RORB: variants seen among roughly 807,000 people sequenced by gnomAD.
RORB encodes the protein nuclear receptor ROR-beta.
RORB carries 6 observed loss-of-function variants against 59.1 expected under a neutral mutation model. The ratio of observed to expected loss-of-function variants is 0.10; its 90% CI spans 0.06 to 0.20. RORB has a LOEUF of 0.20. Ranked by LOEUF, RORB falls within the 10% of genes least tolerant of loss-of-function variation. RORB has a pLI of 1.00. For missense variants in RORB, 320 were observed against 560.5 expected (o/e 0.57, Z 4.33); for synonymous variants, 215 against 204.5 (o/e 1.05, Z -0.44).
At position 74,667,900 on chromosome 9, in the gene RORB, A is replaced by T. The variant is rs2118533125; in HGVS notation, c.1110A>T (p.Pro370=). Residue 370 remains proline, a splice_region_variant and synonymous_variant, in exon 8 of 10, where the codon CCA becomes CCT. Transcript: ENST00000376896. Reference sequence around the variant, plus strand: ...TCTCATCTGCTGTTCTGATATCTCCAGGTAGGGCAGTCTCAGTTCTCTTAC... The same window carrying T: ...TCTCATCTGCTGTTCTGATATCTCCTGGTAGGGCAGTCTCAGTTCTCTTAC... The part of the protein sequence containing the change: ...ALFSSAVLIS[P]DRAWLIEPRK... The T allele has an allele frequency of 6.3e-7, 1 of 1,575,390 alleles. No individual in the cohort carries two copies. Among genetic ancestry groups the T allele is most frequent in the East Asian group, 2.2e-5 (1 of 44,692 alleles).
chr9:74,645,233 A>G (rs186743849), intron 4 of RORB, among the ~76,000 whole-genome samples: 1 of 152,272 alleles, frequency 6.6e-6, no homozygotes, highest in East Asian at 1.9e-4. Flanking sequence ...ACACAAACCC[A>G]TTCTATGACT....
chr9:74,636,393 C>T (rs1188426030), intron 3 of RORB, among the ~76,000 whole-genome samples: 2 of 152,174 alleles, frequency 1.3e-5, no homozygotes, highest in African/African-American at 2.4e-5. Flanking sequence ...AGGTCTAAGT[C>T]TGTGCTGGTG....
At chr9:74,547,907 G>A (rs955344732) in intron 1 of RORB, among the ~76,000 whole-genome samples, 10 of 152,192 alleles carry the variant, frequency 6.6e-5, no homozygotes, top group Non-Finnish European at 1.3e-4. Flanking sequence ...CTGAAAGGAG[G>A]CAAGTAAGAA....
intron 1 of RORB, among the ~76,000 whole-genome samples, chr9:74,529,129 C>T (rs2118091909): frequency 6.6e-6 from 1 of 151,998 alleles, no homozygotes; most frequent in East Asian, 1.9e-4. Flanking sequence ...AAAAATTTCT[C>T]CTGCTATTAC....
chr9:74,510,836 C>A (rs1825927238), intron 1 of RORB, among the ~76,000 whole-genome samples: 1 of 152,112 alleles, frequency 6.6e-6, no homozygotes, highest in African/African-American at 2.4e-5. Flanking sequence ...CTCAACTTCA[C>A]TTATTAAAGA....
intron 2 of RORB, among the ~76,000 whole-genome samples, chr9:74,634,341 G>A (rs1823667847): frequency 2.6e-5 from 4 of 152,140 alleles, no homozygotes; most frequent in Admixed American, 2.6e-4. Flanking sequence ...AGAAACTTCT[G>A]TTTATTTCTG....
At chr9:74,555,218 C>G (rs756869281) in intron 1 of RORB, among the ~76,000 whole-genome samples, 2 of 152,184 alleles carry the variant, frequency 1.3e-5, no homozygotes, top group Non-Finnish European at 2.9e-5. Context: ...CTGTCACAGA[C>G]GCAGGGCACT....
intron 4 of RORB, among the ~76,000 whole-genome samples, chr9:74,655,827 C>T (rs771128390): frequency 1.3e-5 from 2 of 152,120 alleles, no homozygotes; most frequent in Admixed American, 6.5e-5. Context: ...CTAGCTGTAC[C>T]GCGTCTTGTA....
At chr9:74,514,313 C>T (rs1825980508) in intron 1 of RORB, among the ~76,000 whole-genome samples, 2 of 152,008 alleles carry the variant, frequency 1.3e-5, no homozygotes, top group Admixed American at 1.3e-4. Flanking sequence ...TTATGTAAAG[C>T]CCCAAATAGT....
intron 1 of RORB, among the ~76,000 whole-genome samples, chr9:74,588,947 A>G (rs998751533): frequency 2.0e-5 from 3 of 152,162 alleles, no homozygotes; most frequent in Non-Finnish European, 2.9e-5. Flanking sequence ...TTAAAAAAAA[A>G]AAATAAGAGA....
At chr9:74,507,996 A>T (rs1825891415) in intron 1 of RORB, among the ~76,000 whole-genome samples, 1 of 151,860 alleles carries the variant, frequency 6.6e-6, no homozygotes, top group Admixed American at 6.6e-5. Flanking sequence ...ATTTTAAATA[A>T]ATTATTTAGA....
intron 1 of RORB, among the ~76,000 whole-genome samples, chr9:74,525,800 C>T (rs774014964): frequency 2.6e-5 from 4 of 151,834 alleles, no homozygotes; most frequent in South Asian, 2.1e-4. Flanking sequence ...CTTTGCGTCC[C>T]GAAATTCCCA....
chr9:74,678,817 C>T (rs1017454607), intron 9 of RORB, among the ~76,000 whole-genome samples: 7 of 151,938 alleles, frequency 4.6e-5, no homozygotes, highest in Admixed American at 4.6e-4. Context: ...GGTGGATTAC[C>T]TAAGGTCAGT....
intron 1 of RORB, among the ~76,000 whole-genome samples, chr9:74,543,338 TGAG>T (rs1826439024): frequency 6.6e-6 from 1 of 152,226 alleles, no homozygotes; most frequent in African/African-American, 2.4e-5. Context: ...AACACCCCTT[TGAG>T]GAGGAGCTGC....
At chr9:74,587,217 T>G (rs1429480100) in intron 1 of RORB, among the ~76,000 whole-genome samples, 1 of 152,192 alleles carries the variant, frequency 6.6e-6, no homozygotes, top group African/African-American at 2.4e-5. Flanking sequence ...CAGAGCTTTA[T>G]TGCTCCCATC....
At chr9:74,523,268 C>A (rs939080078) in intron 1 of RORB, among the ~76,000 whole-genome samples, 1 of 151,304 alleles carries the variant, frequency 6.6e-6, no homozygotes, top group Non-Finnish European at 1.5e-5. Flanking sequence ...CGTCTTGTTT[C>A]CCTCTTTTTC....
intron 1 of RORB, among the ~76,000 whole-genome samples, chr9:74,529,996 G>A (rs1426477544): frequency 6.6e-6 from 1 of 151,942 alleles, no homozygotes; most frequent in Admixed American, 6.6e-5. Context: ...CAGACTGATG[G>A]TGTGCCCACT....
chr9:74,548,753 A>T (rs1826542704), intron 1 of RORB, among the ~76,000 whole-genome samples: 1 of 152,214 alleles, frequency 6.6e-6, no homozygotes, highest in Non-Finnish European at 1.5e-5. Flanking sequence ...ATGTTAAAAT[A>T]TGTCAGTGAA....
chr9:74,571,442 G>A (rs1176425485), intron 1 of RORB, among the ~76,000 whole-genome samples: 2 of 150,904 alleles, frequency 1.3e-5, no homozygotes, highest in African/African-American at 4.9e-5. Context: ...CTAGAGTTGG[G>A]GAACAGTTGT....
Sources: allele counts gnomAD v4.1 joint callset (sites outside exome capture counted in the v4.1 genomes callset), GRCh38; gene constraint gnomAD v4.1.1; transcripts MANE v1.5; gene names NCBI Gene and HGNC (gene_info 2026-07-23, HGNC 2026-07-21).